SPSB1: variants seen among roughly 807,000 people sequenced by gnomAD.
SPSB1 encodes splA/ryanodine receptor domain and SOCS box containing 1, also known as SPRY domain-containing SOCS box protein 1.
In SPSB1, 8 loss-of-function variants were observed where a neutral mutation model predicts 21.2. The ratio of observed to expected loss-of-function variants is 0.38; its 90% CI spans 0.22 to 0.68. The LOEUF is 0.68. Among genes scored for constraint, SPSB1 ranks in the 30% least tolerant of loss-of-function variants. The probability of loss-of-function intolerance (pLI) is 0.53; values close to 1 mark genes in which losing one functional copy is unlikely to be tolerated. For missense variants in SPSB1, 242 were observed against 377.8 expected (o/e 0.64, Z 2.98); for synonymous variants, 169 against 161.7 (o/e 1.05, Z -0.34).
rs1316231791 is a variant in SPSB1, at chr1:9,364,825, G to GTT, written c.695-2622_695-2621dup. Among the ~76,000 whole-genome samples the GTT allele has an allele frequency of 1.6e-3, 227 of 146,432 alleles. 1 individual carries two copies. The highest frequency in any genetic ancestry group is 5.4e-3 in the African/African-American group (216 of 40,218). The stretch of plus-strand genomic sequence containing the variant: ...TTTTCAGTTTTGGGGTTTTTTTGTT[G>GTT]TTGTTTTGTTGTTGTTGTTGTCGTT... On this transcript the variant is annotated intron_variant, in intron 2 of 2. Transcript: ENST00000328089.
intron 1 of SPSB1, among the ~76,000 whole-genome samples, chr1:9,318,724 C>T (rs946227180): frequency 2.0e-5 from 3 of 152,200 alleles, no homozygotes; most frequent in African/African-American, 7.2e-5. Flanking sequence ...TTCAGCAATT[C>T]GGGCAGCTCA....
intron 1 of SPSB1, among the ~76,000 whole-genome samples, chr1:9,315,844 G>A (rs1026652355): frequency 6.6e-6 from 1 of 152,198 alleles, no homozygotes; most frequent in African/African-American, 2.4e-5. Context: ...AACTATGTGG[G>A]TGGATTTGTT....
chr1:9,306,927 CTTCTTTTT>C lies in SPSB1; in HGVS notation c.-150+13859_-150+13866del, dbSNP rs1639422643. ...TTTTTTCTTTTACTTTTCTTCTTTT[CTTCTTTTT>C]TTTTTTTTTTTAAGTGGAATCTCGC... is the stretch of plus-strand genomic sequence containing the variant. On this transcript the variant is annotated intron_variant, in intron 1 of 2. Coordinates refer to ENST00000328089, the MANE Select transcript of SPSB1 (RefSeq NM_025106.4). 3.7e-4 allele frequency among the ~76,000 whole-genome samples: 12 copies of C among 32,784 alleles called. No homozygotes were observed. In the South Asian group the frequency reaches 9.8e-3, roughly 27 times the overall value. The allele number at this position is 32,784 out of a possible 152,430, so 21.5% of individuals were successfully genotyped here.
intron 1 of SPSB1, among the ~76,000 whole-genome samples, chr1:9,329,311 C>T (rs4908532): frequency 0.55 from 82,879 of 151,702 alleles, 23,202 homozygotes; most frequent in Middle Eastern, 0.61. Context: ...GGTGGACAGG[C>T]GGATGGGTGG....
intron 1 of SPSB1, among the ~76,000 whole-genome samples, chr1:9,338,942 C>T (rs549613058): frequency 6.6e-6 from 1 of 152,332 alleles, no homozygotes; most frequent in Admixed American, 6.5e-5. Flanking sequence ...TCTGGAAAAC[C>T]CGGCCGATTA....
At position 9,356,689 on chromosome 1, in the gene SPSB1, A is replaced by G; in HGVS notation, c.694+104A>G. 4 of 1,473,248 alleles carry G rather than the reference A, an allele frequency of 2.7e-6. No homozygotes were observed. Among genetic ancestry groups the G allele is most frequent in the Non-Finnish European group, 3.6e-6 (4 of 1,115,734 alleles). 91.3% of individuals were successfully genotyped at this position (1,473,248 alleles called of 1,614,324 possible). On this transcript the variant is annotated intron_variant, in intron 2 of 2. Transcript: ENST00000328089. This position sits in a 1 kb window ranked among gnomAD's most constrained non-coding sequence, Gnocchi z 7.4. ...ATTCATTGGAACTAGAGTGTTTTGA[A>G]GACGATATTCCAGTGTATTCAGACC...
intron 1 of SPSB1, among the ~76,000 whole-genome samples, chr1:9,310,033 G>A (rs1639491031): frequency 6.6e-6 from 1 of 152,022 alleles, no homozygotes; most frequent in African/African-American, 2.4e-5. Context: ...AGTGTTGCCT[G>A]TTGCCCTAAA....
At chr1:9,325,463 C>T (rs935376366) in intron 1 of SPSB1, among the ~76,000 whole-genome samples, 1 of 152,154 alleles carries the variant, frequency 6.6e-6, no homozygotes, top group Non-Finnish European at 1.5e-5. Flanking sequence ...TGGATGCCTG[C>T]CCACCTCTTC....
chr1:9,300,319 AC>A (rs1400056137), intron 1 of SPSB1, among the ~76,000 whole-genome samples: 1 of 152,146 alleles, frequency 6.6e-6, no homozygotes, highest in Admixed American at 6.5e-5. Context: ...TTGCTGAGTC[AC>A]CCTAACGCTT....
intron 1 of SPSB1, among the ~76,000 whole-genome samples, chr1:9,311,180 A>G (rs1342070245): frequency 1.3e-3 from 179 of 135,244 alleles, no homozygotes; most frequent in Non-Finnish European, 2.4e-3. Context: ...TTTTTTTTTA[A>G]TGCCTTCATC....
chr1:9,364,977 G>A (rs898924514), intron 2 of SPSB1, among the ~76,000 whole-genome samples: 5 of 152,052 alleles, frequency 3.3e-5, no homozygotes, highest in African/African-American at 7.2e-5. Context: ...TTAGCCTCCC[G>A]AGTAGCCGGG....
intron 1 of SPSB1, among the ~76,000 whole-genome samples, chr1:9,354,709 G>A (rs536183679): frequency 6.6e-6 from 1 of 152,098 alleles, no homozygotes; most frequent in South Asian, 2.1e-4. Flanking sequence ...GCTGAGGCAG[G>A]AGAATCACCT....
At chr1:9,294,804 G>A (rs572758763) in intron 1 of SPSB1, among the ~76,000 whole-genome samples, 9 of 152,274 alleles carry the variant, frequency 5.9e-5, no homozygotes, top group Middle Eastern at 3.4e-3. Flanking sequence ...GGGGATGGGG[G>A]CCTCTCCCTT....
intron 1 of SPSB1, among the ~76,000 whole-genome samples, chr1:9,337,935 C>T (rs1397265458): frequency 6.6e-6 from 1 of 152,162 alleles, no homozygotes; most frequent in African/African-American, 2.4e-5. Context: ...GTGGCTCTTC[C>T]GGTGAGGAAG....
At chr1:9,343,943 G>A (rs4271235) in intron 1 of SPSB1, among the ~76,000 whole-genome samples, 60,125 of 151,760 alleles carry the variant, frequency 0.4, 12,780 homozygotes, top group Non-Finnish European at 0.49. Flanking sequence ...CTGCCACCAC[G>A]CCTGGCTAAT....
At chr1:9,301,599 G>A (rs1639330876) in intron 1 of SPSB1, among the ~76,000 whole-genome samples, 1 of 152,230 alleles carries the variant, frequency 6.6e-6, no homozygotes, top group East Asian at 1.9e-4. Context: ...CATGAGGTAT[G>A]TGGGTAGGAT....
At chr1:9,333,927 G>A (rs1324123675) in intron 1 of SPSB1, among the ~76,000 whole-genome samples, 1 of 152,226 alleles carries the variant, frequency 6.6e-6, no homozygotes, top group South Asian at 2.1e-4. Context: ...GGGATGCTCC[G>A]CCACATTCCT....
At chr1:9,338,660 C>T (rs1336224163) in intron 1 of SPSB1, among the ~76,000 whole-genome samples, 2 of 152,262 alleles carry the variant, frequency 1.3e-5, no homozygotes, top group African/African-American at 4.8e-5. Flanking sequence ...ATCGTGCTGG[C>T]TTCACCTTTG....
At chr1:9,303,695 G>A (rs1378596597) in intron 1 of SPSB1, among the ~76,000 whole-genome samples, 1 of 152,274 alleles carries the variant, frequency 6.6e-6, no homozygotes, top group Non-Finnish European at 1.5e-5. Context: ...TTGCTATGCA[G>A]GATAGTAGTG....
Sources: gnomAD v4.1 joint callset for allele counts (sites outside exome capture counted in the v4.1 genomes callset) on GRCh38, gnomAD v4.1.1 for gene constraint, Gnocchi (gnomAD v3.1) non-coding constraint, MANE v1.5 for transcripts, NCBI Gene and HGNC (gene_info 2026-07-23, HGNC 2026-07-21) for gene names.